The following DLGAP2 variants were observed in gnomAD, a reference collection of about 807,000 sequenced individuals.
DLGAP2 encodes the protein DLG associated protein 2.
Under a neutral mutation model 100.3 loss-of-function variants are expected in DLGAP2, and 26 were observed. The observed-to-expected ratio is 0.26, with a 90% CI of 0.19 to 0.36. The LOEUF (loss-of-function observed/expected upper bound fraction) is 0.36. Ranked by LOEUF, DLGAP2 falls within the 10% of genes least tolerant of loss-of-function variation. The pLI, the probability that DLGAP2 is intolerant of heterozygous loss-of-function variation, is 1.00. For missense variants in DLGAP2, 1,858 were observed against 1,453.2 expected (o/e 1.28, Z -4.53); for synonymous variants, 886 against 630.1 (o/e 1.41, Z -6.08).
intron 2 of DLGAP2, among the ~76,000 whole-genome samples, chr8:1,209,327 G>T (rs1798058371): frequency 6.6e-6 from 1 of 152,160 alleles, no homozygotes; most frequent in Non-Finnish European, 1.5e-5. Flanking sequence ...GAACAGAATA[G>T]AGGACCCAGA....
intron 4 of DLGAP2, among the ~76,000 whole-genome samples, chr8:1,534,871 C>A (rs1242935488): frequency 6.6e-6 from 1 of 152,188 alleles, no homozygotes; most frequent in African/African-American, 2.4e-5. Context: ...TTTGCACGAC[C>A]CACTCTGGAA....
intron 3 of DLGAP2, among the ~76,000 whole-genome samples, chr8:1,338,135 A>C (rs1210474581): frequency 6.6e-6 from 1 of 152,226 alleles, no homozygotes; most frequent in Non-Finnish European, 1.5e-5. Context: ...ATTCCACACA[A>C]AGTTAAACAG....
chr8:1,677,852 A>G (rs1309580640), intron 11 of DLGAP2, among the ~76,000 whole-genome samples: 1 of 152,238 alleles, frequency 6.6e-6, no homozygotes, highest in African/African-American at 2.4e-5. Flanking sequence ...TTTACATAAA[A>G]GAAGCAACCC....
At chr8:1,498,090 T>C (rs1237718725) in intron 3 of DLGAP2, among the ~76,000 whole-genome samples, 1 of 152,148 alleles carries the variant, frequency 6.6e-6, no homozygotes, top group Non-Finnish European at 1.5e-5. Context: ...TCCCAAGTCA[T>C]TATGGAGTCA....
At chr8:1,174,867 A>G (rs1027198481) in intron 2 of DLGAP2, among the ~76,000 whole-genome samples, 8 of 152,148 alleles carry the variant, frequency 5.3e-5, no homozygotes, top group African/African-American at 1.9e-4. Flanking sequence ...CAAAATCCTA[A>G]GTGAGTGAGG....
intron 1 of DLGAP2, among the ~76,000 whole-genome samples, chr8:824,028 C>G (rs997824073): frequency 7.9e-4 from 3 of 3,802 alleles, no homozygotes; most frequent in African/African-American, 1.3e-3. Flanking sequence ...ATTTCTTCTT[C>G]TTTTTTTTCT....
chr8:1,318,663 A>G (rs571808950), intron 3 of DLGAP2, among the ~76,000 whole-genome samples: 1 of 151,968 alleles, frequency 6.6e-6, no homozygotes, highest in Non-Finnish European at 1.5e-5. Context: ...TATAAGTTAA[A>G]TACTGCCAAG....
At chr8:1,102,657 G>A (rs1046765756) in intron 2 of DLGAP2, among the ~76,000 whole-genome samples, 6 of 152,134 alleles carry the variant, frequency 3.9e-5, no homozygotes, top group Non-Finnish European at 7.3e-5. Context: ...GTGGGCACTC[G>A]CCTCTGTGGC....
intron 2 of DLGAP2, among the ~76,000 whole-genome samples, chr8:1,028,616 C>T (rs954329673): frequency 2.0e-5 from 3 of 152,226 alleles, no homozygotes; most frequent in Non-Finnish European, 4.4e-5. Flanking sequence ...TGGTATCAGA[C>T]ACAGATGTTC....
intron 2 of DLGAP2, among the ~76,000 whole-genome samples, chr8:1,094,979 C>T (rs1804318443): frequency 6.6e-6 from 1 of 152,176 alleles, no homozygotes; most frequent in African/African-American, 2.4e-5. Context: ...GCGGCACTTC[C>T]AGGTCTCAGC....
intron 2 of DLGAP2, among the ~76,000 whole-genome samples, chr8:980,017 C>G (rs1447842073): frequency 2.6e-5 from 4 of 152,152 alleles, no homozygotes; most frequent in Non-Finnish European, 5.9e-5. Flanking sequence ...GACTTGGCAA[C>G]TGTTCAAAGG....
intron 2 of DLGAP2, among the ~76,000 whole-genome samples, chr8:1,139,488 C>T (rs1796483519): frequency 6.6e-6 from 1 of 152,194 alleles, no homozygotes; most frequent in Admixed American, 6.5e-5. Flanking sequence ...GAGCAAGGGG[C>T]CTCCCTCGGC....
At chr8:1,325,855 G>C (rs1801009599) in intron 3 of DLGAP2, among the ~76,000 whole-genome samples, 1 of 152,292 alleles carries the variant, frequency 6.6e-6, no homozygotes, top group African/African-American at 2.4e-5. Context: ...CATGGAGATG[G>C]CTTTCCAGCC....
At chr8:1,195,916 G>A (rs972212435) in intron 2 of DLGAP2, among the ~76,000 whole-genome samples, 2 of 152,174 alleles carry the variant, frequency 1.3e-5, no homozygotes, top group African/African-American at 2.4e-5. Flanking sequence ...CTCCCACAAA[G>A]TGCAAGAATA....
intron 2 of DLGAP2, among the ~76,000 whole-genome samples, chr8:925,546 C>T (rs567321680): frequency 6.6e-6 from 1 of 152,264 alleles, no homozygotes; most frequent in South Asian, 2.1e-4. Context: ...TGTATTAGCA[C>T]AGCTTGGATG....
At chr8:999,096 A>G (rs1800868465) in intron 2 of DLGAP2, among the ~76,000 whole-genome samples, 1 of 152,132 alleles carries the variant, frequency 6.6e-6, no homozygotes, top group Non-Finnish European at 1.5e-5. Context: ...AAAAATATGT[A>G]TTTAAAGCTT....
At chr8:1,564,668 T>G (rs1802324348) in intron 5 of DLGAP2, among the ~76,000 whole-genome samples, 1 of 152,218 alleles carries the variant, frequency 6.6e-6, no homozygotes, top group East Asian at 1.9e-4. Context: ...TGCGGATATA[T>G]AATACGCACG....
intron 2 of DLGAP2, among the ~76,000 whole-genome samples, chr8:1,073,958 AACTCACCC>A (rs1480661649): frequency 5.3e-5 from 8 of 152,260 alleles, no homozygotes; most frequent in African/African-American, 1.9e-4. Flanking sequence ...AGTGAGGCTG[AACTCACCC>A]AGGTACATAT....
At chr8:1,506,749 T>A (rs1402842085) in intron 4 of DLGAP2, among the ~76,000 whole-genome samples, 1 of 152,212 alleles carries the variant, frequency 6.6e-6, no homozygotes, top group Non-Finnish European at 1.5e-5. Flanking sequence ...GGGTGCTGAT[T>A]GGTGCATTTA....
Sources: gnomAD v4.1 joint callset for allele counts (sites outside exome capture counted in the v4.1 genomes callset) on GRCh38, gnomAD v4.1.1 for gene constraint, MANE v1.5 for transcripts, NCBI Gene and HGNC (gene_info 2026-07-23, HGNC 2026-07-21) for gene names.